Variants in MRPL13 observed in about 807,000 individuals in gnomAD.
The protein encoded by MRPL13 is large ribosomal subunit protein uL13m.
Under a neutral mutation model 29.0 loss-of-function variants are expected in MRPL13, and 33 were observed. The observed-to-expected ratio is 1.14, with a 90% CI of 0.86 to 1.52. The LOEUF (loss-of-function observed/expected upper bound fraction) is 1.52, where lower values mean the gene tolerates loss of function less well. Among genes scored for constraint, MRPL13 ranks in the 40% most tolerant of loss-of-function variants. The pLI is 0.00. For missense variants in MRPL13, 227 were observed against 216.7 expected, an observed-to-expected ratio of 1.05 and a Z score of -0.30; for synonymous variants, 77 against 68.4, an observed-to-expected ratio of 1.13 and a Z score of -0.62.
At position 120,443,307 on chromosome 8, in the gene MRPL13, T is replaced by C. The variant is rs1813145950; in HGVS notation, c.29A>G (p.Gln10Arg). Residue 10 changes from glutamine (Q) to arginine (R), a missense_variant and splice_region_variant, in exon 2 of 7, where the codon CAA becomes CGA. By Grantham distance (43) the Gln-to-Arg change is conservative (BLOSUM62 1). Coordinates refer to ENST00000306185, the MANE Select transcript of MRPL13 (RefSeq NM_014078.6). Reference protein sequence around the residue: MSSFSRAPQQWATFARIWYL... With the variant: MSSFSRAPQRWATFARIWYL... ...CCATATTCTAGCAAAAGTGGCCCAT[T>C]GCTTGGGGGGGAAAAAAAAAAAAAA... is the stretch of plus-strand genomic sequence containing the variant. 1 of 1,509,594 alleles carries C rather than the reference T, an allele frequency of 6.6e-7. No homozygotes were observed. The highest frequency in any genetic ancestry group is 2.4e-5 in the East Asian group (1 of 42,256). The allele number at this position is 1,509,594 out of a possible 1,614,324, so 93.5% of individuals were successfully genotyped here. A position where few individuals can be genotyped will look rare whatever the true frequency, so the allele number is the denominator to read the frequency against.
chr8:120,403,453 TG>T (rs1288019226), intron 6 of MRPL13, among the ~76,000 whole-genome samples: 2 of 151,606 alleles, frequency 1.3e-5, no homozygotes, highest in Non-Finnish European at 2.9e-5. Context: ...CATGGACACA[TG>T]GGGTTGGGGG....
intron 5 of MRPL13, chr8:120,414,694 G>A (rs1812784456): frequency 1.3e-5 from 2 of 152,200 alleles, no homozygotes; most frequent in African/African-American, 4.8e-5. Flanking sequence ...GCTAGACAGT[G>A]TCGTTACCAC....
At chr8:120,398,677 T>G (rs1284366806) in intron 6 of MRPL13, among the ~76,000 whole-genome samples, 1 of 152,070 alleles carries the variant, frequency 6.6e-6, no homozygotes, top group East Asian at 1.9e-4. Flanking sequence ...AGAAGTAGGC[T>G]TCAGAAGGTG....
At chr8:120,416,168 T>G (rs1051638466) in intron 5 of MRPL13, 1 of 152,178 alleles carries the variant, frequency 6.6e-6, no homozygotes, top group African/African-American at 2.4e-5. Context: ...AGGTAACCCA[T>G]GAATGCTAAC....
intron 6 of MRPL13, among the ~76,000 whole-genome samples, chr8:120,400,799 C>T (rs1462540341): frequency 6.6e-6 from 1 of 151,658 alleles, no homozygotes; most frequent in African/African-American, 2.4e-5. Context: ...GAATCAGACA[C>T]AATCAGAAAT....
chr8:120,402,906 A>G (rs1385466236), intron 6 of MRPL13, among the ~76,000 whole-genome samples: 2 of 152,224 alleles, frequency 1.3e-5, no homozygotes, highest in African/African-American at 2.4e-5. Flanking sequence ...AAAGCTCAAC[A>G]TCACTGATCA....
rs530200131 is a variant in MRPL13 at position 120,408,449 on chromosome 8, C to T, written c.515+5542G>A. On this transcript the variant is annotated intron_variant, in intron 6 of 6. Transcript: ENST00000306185. ...CAAAAGAACAGTACAGCTTAGAATG[C>T]CTAATTTGAGCAAAACCCAGGACTG... Among the ~76,000 whole-genome samples the T allele has an allele frequency of 3.3e-5, 5 of 152,244 alleles. No homozygotes were observed. The South Asian group carries it at 1.0e-3, about 32-fold the overall frequency.
intron 3 of MRPL13, among the ~76,000 whole-genome samples, chr8:120,426,948 T>C (rs951107642): frequency 2.0e-5 from 3 of 152,110 alleles, no homozygotes; most frequent in Non-Finnish European, 4.4e-5. Context: ...AAGACTTAGA[T>C]GTGAAAGTTC....
At chr8:120,409,513 A>G (rs973742022) in intron 6 of MRPL13, among the ~76,000 whole-genome samples, 2 of 152,162 alleles carry the variant, frequency 1.3e-5, no homozygotes, top group Non-Finnish European at 2.9e-5. Context: ...TAAAGCTACA[A>G]TCTTAAGCAA....
At chr8:120,411,919 G>A (rs1163685462) in intron 6 of MRPL13, among the ~76,000 whole-genome samples, 1 of 152,094 alleles carries the variant, frequency 6.6e-6, no homozygotes, top group African/African-American at 2.4e-5. Flanking sequence ...AAAGAAAGCA[G>A]AAATCATTCA....
intron 6 of MRPL13, among the ~76,000 whole-genome samples, chr8:120,413,196 C>T (rs751415203): frequency 4.3e-4 from 66 of 152,102 alleles, no homozygotes; most frequent in Non-Finnish European, 5.7e-4. Flanking sequence ...TGATAAAAGT[C>T]TTAATTAATT....
chr8:120,401,302 C>G (rs1812594459), intron 6 of MRPL13, among the ~76,000 whole-genome samples: 1 of 152,158 alleles, frequency 6.6e-6, no homozygotes, highest in Non-Finnish European at 1.5e-5. Flanking sequence ...AGCTTATCCA[C>G]CACAATCAAG....
rs555505664 is a variant in MRPL13 at position 120,443,683 on chromosome 8, G to A, written c.28-375C>T. Among the ~76,000 whole-genome samples the A allele has an allele frequency of 6.7e-5, 10 of 150,052 alleles. No individual in the cohort carries two copies. In the South Asian group the frequency reaches 1.9e-3, roughly 28 times the overall value. ...GGGGCAATGAGAAGCTTGTAAGAAAGTAGAAGCTGTTTATGAAGGTCTTCA... is the reference window on the plus strand; with the variant it reads ...GGGGCAATGAGAAGCTTGTAAGAAAATAGAAGCTGTTTATGAAGGTCTTCA... On this transcript the variant is annotated intron_variant, in intron 1 of 6. Coordinates refer to ENST00000306185, the MANE Select transcript of MRPL13 (RefSeq NM_014078.6).
chr8:120,425,335 C>CAGCTGTTACTTGTCTAAATCCACCTGGGT lies in MRPL13; in HGVS notation c.248_276dup (p.Ala93ThrfsTer8). 1 of 1,612,780 alleles carries CAGCTGTTACTTGTCTAAATCCACCTGGGT rather than the reference C, an allele frequency of 6.2e-7. No homozygotes were observed. The highest frequency in any genetic ancestry group is 1.1e-5 in the South Asian group (1 of 90,968). On this transcript the variant is annotated stop_gained and frameshift_variant, in exon 4 of 7. Transcript: ENST00000306185. LOFTEE classifies it high-confidence loss of function. ...ACTGGATCCCTCAGGTGAAGCTGAG[C>CAGCTGTTACTTGTCTAAATCCACCTGGGT]AGCTGTTACTTGTCTAAATCCACCT...
At chr8:120,442,038 A>G (rs1358634252) in intron 2 of MRPL13, among the ~76,000 whole-genome samples, 1 of 152,230 alleles carries the variant, frequency 6.6e-6, no homozygotes, top group Admixed American at 6.5e-5. Context: ...AACTCAGTGA[A>G]GAATTGACAA....
intron 2 of MRPL13, among the ~76,000 whole-genome samples, chr8:120,441,173 A>G (rs1260298349): frequency 3.9e-5 from 6 of 152,150 alleles, no homozygotes; most frequent in Admixed American, 2.6e-4. Context: ...GGTTTGGGTG[A>G]AGTAGATAAG....
At position 120,424,608 on chromosome 8, in the gene MRPL13, TAA is replaced by T. The variant is rs756726855; in HGVS notation, c.306+696_306+697del. ...AGGAAAACCTGGTCTCCACAAAAAA[TAA>T]AAAGTTTTAGCAGGGTGTGGTGGTG... On this transcript the variant is annotated intron_variant, in intron 4 of 6. Coordinates refer to ENST00000306185, the MANE Select transcript of MRPL13 (RefSeq NM_014078.6). Among the ~76,000 whole-genome samples, 88 of 151,724 alleles carry T rather than the reference TAA, an allele frequency of 5.8e-4. 1 individual carries two copies. Among genetic ancestry groups the T allele is most frequent in the South Asian group, 1.5e-3 (7 of 4,792 alleles).
intron 2 of MRPL13, among the ~76,000 whole-genome samples, chr8:120,436,222 G>C (rs982447674): frequency 6.6e-6 from 1 of 152,116 alleles, no homozygotes; most frequent in African/African-American, 2.4e-5. Context: ...GTGCTATACA[G>C]TAAGCTCATG....
At chr8:120,398,950 C>T (rs1310861976) in intron 6 of MRPL13, among the ~76,000 whole-genome samples, 1 of 151,930 alleles carries the variant, frequency 6.6e-6, no homozygotes, top group Non-Finnish European at 1.5e-5. Flanking sequence ...CACACACACA[C>T]ACACAGAATG....
Sources: gnomAD v4.1 joint callset for allele counts (sites outside exome capture counted in the v4.1 genomes callset) on GRCh38, gnomAD v4.1.1 for gene constraint, MANE v1.5 for transcripts, NCBI Gene and HGNC (gene_info 2026-07-23, HGNC 2026-07-21) for gene names.